Variants in PTGDR observed in about 807,000 individuals in gnomAD.
PTGDR encodes prostaglandin D2 receptor.
In PTGDR, 19 loss-of-function variants were observed where a neutral mutation model predicts 17.4. The observed-to-expected ratio is 1.09, with a 90% CI of 0.76 to 1.60. The LOEUF is 1.60. PTGDR is among the 40% of genes most tolerant of loss of function. The pLI, the probability that PTGDR is intolerant of heterozygous loss-of-function variation, is 0.00. For missense variants in PTGDR, 526 were observed against 481.9 expected, an observed-to-expected ratio of 1.09 and a Z score of -0.86; for synonymous variants, 267 against 224.2, an observed-to-expected ratio of 1.19 and a Z score of -1.71.
rs1566481576 is a variant in PTGDR at position 52,268,494 on chromosome 14, C to T, written c.680C>T (p.Ala227Val). 2 of 1,610,796 alleles carry T rather than the reference C, an allele frequency of 1.2e-6. No individual in the cohort carries two copies. The highest frequency in any genetic ancestry group is 1.7e-6 in the Non-Finnish European group (2 of 1,179,862). Reference protein sequence around the residue: ...CNLGAMRNLYAMHRRLQRHPR... With the variant: ...CNLGAMRNLYVMHRRLQRHPR... The stretch of plus-strand genomic sequence containing the variant: ...CTCGGCGCCATGCGCAACCTCTATG[C>T]GATGCACCGGCGGCTGCAGCGGCAC... Residue 227 changes from alanine (A) to valine (V), a missense_variant, in exon 1 of 2, where the codon GCG (alanine) becomes GTG (valine). Transcript: ENST00000306051.
chr14:52,276,949 C>T (rs2033437188), downstream of PTGDR, among the ~76,000 whole-genome samples: 1 of 152,130 alleles, frequency 6.6e-6, no homozygotes, highest in Admixed American at 6.6e-5. Context: ...TTAGACTCAC[C>T]TAAGGACCTA....
downstream of PTGDR, among the ~76,000 whole-genome samples, chr14:52,279,146 CT>C (rs1262601048): frequency 1.3e-5 from 2 of 152,116 alleles, no homozygotes; most frequent in Non-Finnish European, 2.9e-5. Context: ...CGCGTTCTCT[CT>C]CATGATAGTC....
chr14:52,271,108 C>T (rs1223833248), intron 1 of PTGDR, among the ~76,000 whole-genome samples: 1 of 152,136 alleles, frequency 6.6e-6, no homozygotes, highest in Non-Finnish European at 1.5e-5. Flanking sequence ...CCTCAGTTTC[C>T]TCATCTGTAA....
Position 52,267,791 on chromosome 14 carries a change from T to A in PTGDR, c.-24T>A. On this transcript the variant is annotated 5_prime_UTR_variant, in exon 1 of 2. Transcript: ENST00000306051. ...GCCCTCGCCCTTCCGCAGCCTTCAC[T>A]CCAGCCCTCTGCTCCCGCACGCCAT... The A allele has an allele frequency of 5.2e-6, 8 of 1,535,074 alleles. No homozygotes were observed. The highest frequency in any genetic ancestry group is 7.0e-6 in the Non-Finnish European group (8 of 1,141,716).
chr14:52,269,840 C>T (rs908097878), intron 1 of PTGDR, among the ~76,000 whole-genome samples: 8 of 152,058 alleles, frequency 5.3e-5, no homozygotes, highest in Non-Finnish European at 1.0e-4. Flanking sequence ...TAGATATAGG[C>T]GCAGATGACA....
Position 52,268,312 on chromosome 14 carries a change from A to G in PTGDR, c.498A>G (p.Leu166=), listed in dbSNP as rs759586138. The change falls in exon 1 of 2, where the codon CTA becomes CTG. Residue 166 remains leucine (L), a synonymous_variant. Coordinates refer to ENST00000306051, the MANE Select transcript of PTGDR (RefSeq NM_000953.3). ...VSAFSLAFCA[L]PFMGFGKFVQ... ...CCTTCTCCCTGGCTTTCTGCGCGCT[A>G]CCTTTCATGGGCTTCGGGAAGTTCG... is the stretch of plus-strand genomic sequence containing the variant. The G allele has an allele frequency of 1.7e-5, 27 of 1,613,668 alleles. No homozygotes were observed. The highest frequency in any genetic ancestry group is 1.9e-5 in the Non-Finnish European group (23 of 1,180,016).
chr14:52,269,466 G>C (rs1165810255), intron 1 of PTGDR: 1 of 1,534,770 alleles, frequency 6.5e-7, no homozygotes, highest in Admixed American at 2.0e-5. Flanking sequence ...TGTTCCTGGA[G>C]TCCCCGCCAA....
downstream of PTGDR, among the ~76,000 whole-genome samples, chr14:52,278,054 T>G (rs2033450098): frequency 6.6e-6 from 1 of 152,196 alleles, no homozygotes; most frequent in African/African-American, 2.4e-5. Flanking sequence ...TGGAAGTCAG[T>G]GTGGCAATTC....
At position 52,275,012 on chromosome 14, in the gene PTGDR, G is replaced by T; in HGVS notation, c.*48G>T. ...AGCTGAGGAATATGTCACATTTTCAGTCAAAGAACCATGATTAAAAAAAAA... is the reference window on the plus strand; with the variant it reads ...AGCTGAGGAATATGTCACATTTTCATTCAAAGAACCATGATTAAAAAAAAA... On this transcript the variant is annotated 3_prime_UTR_variant, in exon 2 of 2. Coordinates refer to ENST00000306051, the MANE Select transcript of PTGDR (RefSeq NM_000953.3). 1 of 1,314,972 alleles carries T rather than the reference G, an allele frequency of 7.6e-7. No individual in the cohort carries two copies. The allele number at this position is 1,314,972 out of a possible 1,614,324, so 81.5% of individuals were successfully genotyped here. A position where few individuals can be genotyped will look rare whatever the true frequency, so the allele number is the denominator to read the frequency against.
downstream of PTGDR, among the ~76,000 whole-genome samples, chr14:52,278,217 T>C (rs993738587): frequency 1.3e-5 from 2 of 152,162 alleles, no homozygotes; most frequent in African/African-American, 2.4e-5. Flanking sequence ...GGAACCAACC[T>C]AAATGTCCAA....
rs2033426023 is a variant in PTGDR at position 52,276,369 on chromosome 14, G to A, written c.*1405G>A. ...CCCTTCCAAATATAAGAGTACTCAT[G>A]TTTATTTATTTCCAACTGAGCAGCA... is the stretch of plus-strand genomic sequence containing the variant. On this transcript the variant is annotated 3_prime_UTR_variant, in exon 2 of 2. Coordinates refer to ENST00000306051, the MANE Select transcript of PTGDR (RefSeq NM_000953.3). 6.6e-6 allele frequency: 1 copy of A among 152,124 alleles called. No individual in the cohort carries two copies. Among genetic ancestry groups the A allele is most frequent in the Admixed American group, 6.5e-5 (1 of 15,274 alleles). 9.4% of individuals were successfully genotyped at this position (152,124 alleles called of 1,614,324 possible). A position where few individuals can be genotyped will look rare whatever the true frequency, so the allele number is the denominator to read the frequency against.
chr14:52,269,364 AGT>A, intron 1 of PTGDR: 2 of 1,118,460 alleles, frequency 1.8e-6, no homozygotes, highest in Non-Finnish European at 2.6e-6. Flanking sequence ...TATCTTGGCA[AGT>A]GAGGTGACAT....
chr14:52,267,801 T>G lies in PTGDR; in HGVS notation c.-14T>G. ...TTCCGCAGCCTTCACTCCAGCCCTC[T>G]GCTCCCGCACGCCATGAAGTCGCCG... On this transcript the variant is annotated 5_prime_UTR_variant, in exon 1 of 2. Coordinates refer to ENST00000306051, the MANE Select transcript of PTGDR (RefSeq NM_000953.3). The G allele has an allele frequency of 6.5e-7, 1 of 1,543,052 alleles. No individual in the cohort carries two copies. Among genetic ancestry groups the G allele is most frequent in the Non-Finnish European group, 8.7e-7 (1 of 1,144,600 alleles).
chr14:52,270,103 G>A (rs1407918877), intron 1 of PTGDR, among the ~76,000 whole-genome samples: 1 of 152,134 alleles, frequency 6.6e-6, no homozygotes, highest in African/African-American at 2.4e-5. Flanking sequence ...CATCTCCCTG[G>A]AGTTAAGAAT....
At chr14:52,278,604 C>T (rs2033456767), downstream of PTGDR, among the ~76,000 whole-genome samples, 1 of 151,796 alleles carries the variant, frequency 6.6e-6, no homozygotes, top group Non-Finnish European at 1.5e-5. Context: ...TACCCTAAAA[C>T]TTAAAGTATA....
At chr14:52,270,236 G>A (rs2033298197) in intron 1 of PTGDR, among the ~76,000 whole-genome samples, 1 of 152,132 alleles carries the variant, frequency 6.6e-6, no homozygotes, top group Non-Finnish European at 1.5e-5. Context: ...CTTCTCCTTA[G>A]TAGATACATA....
intron 1 of PTGDR, among the ~76,000 whole-genome samples, chr14:52,273,260 ACCT>A (rs1436041505): frequency 6.6e-6 from 1 of 151,486 alleles, no homozygotes; most frequent in African/African-American, 2.4e-5. Context: ...TGATCCACCC[ACCT>A]CAGCCTCCCA....
At position 52,268,266 on chromosome 14, in the gene PTGDR, T is replaced by C. The variant is rs199651150; in HGVS notation, c.452T>C (p.Leu151Pro). 23 of 1,613,902 alleles carry C rather than the reference T, an allele frequency of 1.4e-5. No individual in the cohort carries two copies. Among genetic ancestry groups the C allele is most frequent in the Non-Finnish European group, 1.7e-6 (2 of 1,180,050 alleles). The change falls in exon 1 of 2, where the codon CTG becomes CCG. Residue 151 changes from leucine (L) to proline (P), a missense_variant. Physicochemically the swap from Leu to Pro is moderately conservative, Grantham distance 98. Transcript: ENST00000306051. ...RRHITLRLGA[L>P]VAPVVSAFSL... ...CACATCACCCTGCGCCTGGGCGCAC[T>C]GGTGGCCCCGGTGGTGAGCGCCTTC...
Position 52,268,047 on chromosome 14 carries a change from T to C in PTGDR, c.233T>C (p.Leu78Pro), listed in dbSNP as rs1209891744. The change falls in exon 1 of 2, where the codon CTC becomes CCC. Residue 78 changes from leucine (L) to proline (P), a missense_variant. By Grantham distance (98) the Leu-to-Pro change is moderately conservative. Transcript: ENST00000306051. Reference sequence around the variant, plus strand: ...GTCACCGACTTGCTGGGCAAGTGCCTCCTAAGCCCGGTGGTGCTGGCTGCC... The same window carrying C: ...GTCACCGACTTGCTGGGCAAGTGCCCCCTAAGCCCGGTGGTGCTGGCTGCC... ...LTVTDLLGKC[L>P]LSPVVLAAYA... 1 of 1,612,208 alleles carries C rather than the reference T, an allele frequency of 6.2e-7. No individual in the cohort carries two copies. Among genetic ancestry groups the C allele is most frequent in the East Asian group, 2.2e-5 (1 of 44,870 alleles).
Sources: gnomAD v4.1 joint callset for allele counts (sites outside exome capture counted in the v4.1 genomes callset) on GRCh38, gnomAD v4.1.1 for gene constraint, MANE v1.5 for transcripts, NCBI Gene and HGNC (gene_info 2026-07-23, HGNC 2026-07-21) for gene names.